MAST3: variants seen among roughly 807,000 people sequenced by gnomAD.
MAST3 encodes microtubule-associated serine/threonine-protein kinase 3.
MAST3 carries 43 observed loss-of-function variants against 127.0 expected under a neutral mutation model. That is an observed-to-expected ratio of 0.34 (90% CI 0.27 to 0.44). The LOEUF (loss-of-function observed/expected upper bound fraction) is 0.44. Ranked by LOEUF, MAST3 falls within the 20% of genes least tolerant of loss-of-function variation. The pLI is 1.00. For missense variants in MAST3, 1,390 were observed against 1,919.1 expected (o/e 0.72, Z 5.15); for synonymous variants, 785 against 809.2 (o/e 0.97, Z 0.51).
At chr19:18,134,514 G>T (rs759579962) in intron 15 of MAST3, 65 bp from the exon 16 acceptor site, 72 of 1,540,826 alleles carry the variant, frequency 4.7e-5, no homozygotes, top group Non-Finnish European at 4.9e-5. Flanking sequence ...CCAAGGTCTA[G>T]GGCAGAAGGG....
chr19:18,127,669 G>A (rs2040816271), intron 11 of MAST3, among the ~76,000 whole-genome samples: 1 of 152,138 alleles, frequency 6.6e-6, no homozygotes, highest in Admixed American at 6.5e-5. Flanking sequence ...GGGCGACAGA[G>A]TGAGACTGCG....
chr19:18,126,857 T>C (rs2040699087), intron 11 of MAST3, among the ~76,000 whole-genome samples: 1 of 151,892 alleles, frequency 6.6e-6, no homozygotes, highest in Non-Finnish European at 1.5e-5. Flanking sequence ...CTTGGCTCAC[T>C]GCAAGCTCCG....
At chr19:18,102,082 G>A (rs947983951) in intron 1 of MAST3, among the ~76,000 whole-genome samples, 2 of 151,518 alleles carry the variant, frequency 1.3e-5, no homozygotes, top group African/African-American at 2.4e-5. Flanking sequence ...GGCTTTCACC[G>A]TGTTAGCCAG....
chr19:18,103,659 C>T (rs1316422499), intron 1 of MAST3, among the ~76,000 whole-genome samples: 5 of 152,224 alleles, frequency 3.3e-5, no homozygotes, highest in African/African-American at 7.2e-5. Context: ...TCTCCCCCAG[C>T]ACCAGGCTCT....
intron 11 of MAST3, among the ~76,000 whole-genome samples, chr19:18,126,426 C>T (rs1215980130): frequency 6.6e-6 from 1 of 152,070 alleles, no homozygotes; most frequent in Non-Finnish European, 1.5e-5. Context: ...TAGGCATAGA[C>T]CCTAAGGTTG....
intron 20 of MAST3, among the ~76,000 whole-genome samples, chr19:18,141,231 G>T (rs1477237532): frequency 6.6e-6 from 1 of 152,142 alleles, no homozygotes; most frequent in African/African-American, 2.4e-5. Context: ...ACGCAGCTTG[G>T]TAGCCTGGCC....
Position 18,121,919 on chromosome 19 carries a change from G to T in MAST3, c.317G>T (p.Arg106Leu). Residue 106 changes from arginine (R) to leucine (L), a missense_variant, in exon 5 of 28, where the codon CGG becomes CTG. Coordinates refer to ENST00000687212, the MANE Select transcript of MAST3 (RefSeq NM_001393504.1). The part of the protein sequence containing the change: ...AASALNFPFA[R>L]RADGRRWSLA... ...TCTGCCCTAAATTTCCCCTTTGCCCGGAGGTGAGTGATTGCCGGCTTTGGG... is the reference window on the plus strand; with the variant it reads ...TCTGCCCTAAATTTCCCCTTTGCCCTGAGGTGAGTGATTGCCGGCTTTGGG... 1 of 1,613,984 alleles carries T rather than the reference G, an allele frequency of 6.2e-7. No individual in the cohort carries two copies. The highest frequency in any genetic ancestry group is 2.2e-5 in the East Asian group (1 of 44,880).
At chr19:18,128,674 G>A (rs543322902) in intron 12 of MAST3, among the ~76,000 whole-genome samples, 192 bp from the exon 13 acceptor site, 4 of 152,310 alleles carry the variant, frequency 2.6e-5, no homozygotes, top group East Asian at 3.9e-4. Flanking sequence ...TTTGCAGGAC[G>A]TGTAAGAATT....
chr19:18,122,180 G>A (rs1468617651), intron 5 of MAST3: 1 of 954,684 alleles, frequency 1.0e-6, no homozygotes, highest in African/African-American at 1.8e-5. Context: ...ATAGCCCTAA[G>A]AATCATTAAC....
chr19:18,130,361 A>T, intron 13 of MAST3, 133 bp from the exon 14 acceptor site: 1 of 752,734 alleles, frequency 1.3e-6, no homozygotes. Flanking sequence ...ACAGGTAAGG[A>T]GAATGGGTGG....
chr19:18,106,540 CTTATTTA>C lies in MAST3; in HGVS notation c.40-1044_40-1038del, dbSNP rs1300351083. Among the ~76,000 whole-genome samples, 150 of 136,108 alleles carry C rather than the reference CTTATTTA, an allele frequency of 1.1e-3. 1 individual carries two copies. Among genetic ancestry groups the C allele is most frequent in the African/African-American group, 3.9e-3 (141 of 36,468 alleles). 89.3% of individuals were successfully genotyped at this position (136,108 alleles called of 152,430 possible). A position where few individuals can be genotyped will look rare whatever the true frequency, so the allele number is the denominator to read the frequency against. On this transcript the variant is annotated intron_variant, in intron 1 of 27. Coordinates refer to ENST00000687212, the MANE Select transcript of MAST3 (RefSeq NM_001393504.1). Reference sequence around the variant, plus strand: ...GCATGAGCCACCGCACTTGGCCCTTCTTATTTATTTATTTATTTATTTATTTATTTAT... The same window carrying C: ...GCATGAGCCACCGCACTTGGCCCTTCTTTATTTATTTATTTATTTATTTAT...
rs750872102 is a variant in MAST3, at chr19:18,143,914, C to T, written c.2491C>T (p.Pro831Ser). Residue 831 changes from proline to serine, a missense_variant, in exon 22 of 28, where the codon CCT (proline) becomes TCT (serine). This residue lies in a region of MAST3 where 816 missense variants were observed against 934.1 expected (regional missense o/e 0.87). Transcript: ENST00000687212. ...AGAGGATGAGGGGGTAGGCCCAGGCCCTGCAGGCCCCAAGAGGCCCGTCTT... is the reference window on the plus strand; with the variant it reads ...AGAGGATGAGGGGGTAGGCCCAGGCTCTGCAGGCCCCAAGAGGCCCGTCTT... ...SSEDEGVGPGPAGPKRPVFIL... is the reference protein window; with the variant it reads ...SSEDEGVGPGSAGPKRPVFIL... The T allele has an allele frequency of 1.9e-6, 3 of 1,613,578 alleles. No individual in the cohort carries two copies. The highest frequency in any genetic ancestry group is 2.5e-6 in the Non-Finnish European group (3 of 1,179,762).
intron 15 of MAST3, 95 bp from the exon 16 acceptor site, chr19:18,134,484 T>A: frequency 6.8e-7 from 1 of 1,463,766 alleles, no homozygotes; most frequent in Non-Finnish European, 9.1e-7. Context: ...GAGGCAGAGC[T>A]CTGCCCATCT....
In MAST3 at chr19:18,144,748, G is replaced by A; in HGVS notation, c.2812+55G>A. The A allele has an allele frequency of 6.3e-7, 1 of 1,578,538 alleles. No homozygotes were observed. Among genetic ancestry groups the A allele is most frequent in the Non-Finnish European group, 8.6e-7 (1 of 1,160,574 alleles). On this transcript the variant is annotated intron_variant, in intron 23 of 27. Coordinates refer to ENST00000687212, the MANE Select transcript of MAST3 (RefSeq NM_001393504.1). This position sits in a 1 kb window ranked among gnomAD's most constrained non-coding sequence, Gnocchi z 4.0. ...CTGTCTGCACCCATTTTCACCAACA[G>A]GGTGGGGGCCCTTCCTGAGTTGGGG...
In MAST3 at chr19:18,149,365, C is replaced by T; in HGVS notation, c.3683C>T (p.Ala1228Val). The T allele has an allele frequency of 1.3e-6, 2 of 1,496,296 alleles. No homozygotes were observed. The highest frequency in any genetic ancestry group is 1.8e-6 in the Non-Finnish European group (2 of 1,125,500). The allele number at this position is 1,496,296 out of a possible 1,614,324, so 92.7% of individuals were successfully genotyped here. Residue 1228 changes from alanine (A) to valine (V), a missense_variant, in exon 28 of 28, where the codon GCC becomes GTC. By Grantham distance (64) the Ala-to-Val change is moderately conservative. This residue lies in a region of MAST3 where 816 missense variants were observed against 934.1 expected (regional missense o/e 0.87). Transcript: ENST00000687212. This position sits in a 1 kb window ranked among gnomAD's most constrained non-coding sequence, Gnocchi z 5.9. ...AGCAGCATCCCGCCCTCCCCGCTGG[C>T]CTGCCCGCCCATCTCCGCGCCCCCA... is the stretch of plus-strand genomic sequence containing the variant. ...STSSIPPSPLACPPISAPPPR... is the reference protein window; with the variant it reads ...STSSIPPSPLVCPPISAPPPR...
intron 18 of MAST3, 28 bp downstream of exon 18, chr19:18,135,869 G>T: frequency 6.4e-7 from 1 of 1,556,162 alleles, no homozygotes; most frequent in South Asian, 1.2e-5. Flanking sequence ...GAACCCAGGT[G>T]GGTGGCTCCT....
intron 19 of MAST3, among the ~76,000 whole-genome samples, chr19:18,137,843 A>T (rs959808365): frequency 6.6e-6 from 1 of 152,172 alleles, no homozygotes; most frequent in Non-Finnish European, 1.5e-5. Flanking sequence ...AACTTGCTTC[A>T]TGTCAGAGGT....
intron 19 of MAST3, 79 bp from the exon 20 acceptor site, chr19:18,138,936 G>A: frequency 1.1e-6 from 1 of 948,940 alleles, no homozygotes; most frequent in South Asian, 1.4e-5. Flanking sequence ...ATCCTGAGAT[G>A]CCCTCCCCGT....
intron 3 of MAST3, among the ~76,000 whole-genome samples, chr19:18,114,586 G>A (rs1227978511): frequency 6.6e-6 from 1 of 152,178 alleles, no homozygotes; most frequent in African/African-American, 2.4e-5. Flanking sequence ...GACCTTGTCT[G>A]TCCTGGTCAT....
Sources: gnomAD v4.1 joint callset for allele counts (sites outside exome capture counted in the v4.1 genomes callset) on GRCh38, gnomAD v4.1.1 for gene constraint, gnomAD v4.1.1 regional missense constraint, Gnocchi (gnomAD v3.1) non-coding constraint, MANE v1.5 for transcripts, NCBI Gene and HGNC (gene_info 2026-07-23, HGNC 2026-07-21) for gene names.